The following SPTBN4 variants were observed in gnomAD, a reference collection of about 807,000 sequenced individuals.
SPTBN4 encodes spectrin beta chain, non-erythrocytic 4.
A neutral mutation model predicts 277.8 loss-of-function variants in SPTBN4; 96 were observed. The observed-to-expected ratio is 0.35, with a 90% confidence interval of 0.29 to 0.41. The LOEUF (loss-of-function observed/expected upper bound fraction) is 0.41, where lower values mean the gene tolerates loss of function less well. Ranked by LOEUF, SPTBN4 falls within the 10% of genes least tolerant of loss-of-function variation. The pLI is 1.00. For synonymous variants in SPTBN4, 1,481 were observed against 1,580.3 expected (o/e 0.94, Z 1.49); for missense variants, 3,006 against 3,595.7 (o/e 0.84, Z 4.19).
chr19:40,490,376 G>A lies in SPTBN4; in HGVS notation c.495+128G>A, dbSNP rs2080124017. The A allele has an allele frequency of 1.7e-6, 2 of 1,174,200 alleles. No individual in the cohort carries two copies. The highest frequency in any genetic ancestry group is 5.3e-5 in the East Asian group (2 of 37,814). The allele number at this position is 1,174,200 out of a possible 1,614,324, so 72.7% of individuals were successfully genotyped here. A position where few individuals can be genotyped will look rare whatever the true frequency, so the allele number is the denominator to read the frequency against. On this transcript the variant is annotated intron_variant, in intron 4 of 35. Coordinates refer to ENST00000598249, the MANE Select transcript of SPTBN4 (RefSeq NM_020971.3). This position sits in a 1 kb window ranked among gnomAD's most constrained non-coding sequence, Gnocchi z 4.3. ...TGCTGGAATCCTATTCCAGGTGTTA[G>A]GGATGAAAATAATGATAAAAATAAT...
At chr19:40,565,884 G>A (rs960542723) in intron 29 of SPTBN4, 139 bp downstream of exon 29, 2 of 982,120 alleles carry the variant, frequency 2.0e-6, no homozygotes, top group Non-Finnish European at 3.0e-6. Flanking sequence ...GGGCCTGGAA[G>A]GGTGGACAAG....
At position 40,519,916 on chromosome 19, in the gene SPTBN4, A is replaced by T. The variant is rs1568803423; in HGVS notation, c.3419A>T (p.Asp1140Val). 6.4e-7 allele frequency: 1 copy of T among 1,558,068 alleles called. No homozygotes were observed. Among genetic ancestry groups the T allele is most frequent in the Non-Finnish European group, 8.6e-7 (1 of 1,159,262 alleles). Residue 1140 changes from aspartate to valine, a missense_variant, in exon 16 of 36, where the codon GAC (aspartate) becomes GTC (valine). By Grantham distance (152) the Asp-to-Val change is radical (BLOSUM62 -3). This residue lies in a region of SPTBN4 where 1,759 missense variants were observed against 2,061.5 expected (regional missense o/e 0.85). Transcript: ENST00000598249. The surrounding 1 kb of genome is among the most constrained non-coding windows in gnomAD (Gnocchi z 5.7). ...ARHAALKEEVDQREEDYARIV... is the reference protein window; with the variant it reads ...ARHAALKEEVVQREEDYARIV... ...CACGCTGCGCTCAAGGAGGAGGTGG[A>T]CCAGCGCGAGGAAGACTATGCTCGC...
chr19:40,528,153 TTC>T (rs1484303658), intron 17 of SPTBN4, among the ~76,000 whole-genome samples: 2 of 150,674 alleles, frequency 1.3e-5, no homozygotes, highest in Non-Finnish European at 1.5e-5. Flanking sequence ...GATAGTCTCA[TTC>T]TCTCTCTCTC....
intron 1 of SPTBN4, among the ~76,000 whole-genome samples, chr19:40,472,337 G>A (rs372742318): frequency 2.0e-5 from 3 of 151,886 alleles, no homozygotes; most frequent in South Asian, 2.1e-4. Context: ...GAGCCACTGC[G>A]CCTGGCTTAT....
chr19:40,493,456 C>T (rs2080160535), intron 5 of SPTBN4, among the ~76,000 whole-genome samples: 1 of 152,190 alleles, frequency 6.6e-6, no homozygotes, highest in Admixed American at 6.5e-5. Flanking sequence ...ATGCCTGTCA[C>T]TTTGGGAGAA....
At chr19:40,492,218 G>A (rs1278826052) in intron 4 of SPTBN4, among the ~76,000 whole-genome samples, 1 of 151,910 alleles carries the variant, frequency 6.6e-6, no homozygotes, top group African/African-American at 2.4e-5. Flanking sequence ...AGGGGAGAGG[G>A]AGAGGGTGTC....
At chr19:40,538,109 C>T (rs1271334987) in intron 20 of SPTBN4, among the ~76,000 whole-genome samples, 2 of 152,178 alleles carry the variant, frequency 1.3e-5, no homozygotes, top group Non-Finnish European at 2.9e-5. Flanking sequence ...GCAGCCATGG[C>T]CAGACGCAGT....
rs138368110 is a variant in SPTBN4 at position 40,498,037 on chromosome 19, C to T, written c.784+433C>T. Among the ~76,000 whole-genome samples the T allele has an allele frequency of 4.8e-3, 728 of 152,014 alleles. 9 individuals are homozygous for T. The highest frequency in any genetic ancestry group is 0.017 in the African/African-American group (701 of 41,438). On this transcript the variant is annotated intron_variant, in intron 7 of 35. Transcript: ENST00000598249. ...TCTTCAAGTGTCTCCATCCCCACCA[C>T]ATCTTCGGCTCCAACTCCATTCCTA...
intron 27 of SPTBN4, 101 bp from the exon 28 acceptor site, chr19:40,565,322 G>A (rs1481323438): frequency 1.5e-6 from 2 of 1,371,918 alleles, no homozygotes; most frequent in African/African-American, 1.5e-5. Context: ...AGGTGGTATG[G>A]GATGTCAGCC....
At chr19:40,565,150 A>T (rs1160329683) in intron 27 of SPTBN4, among the ~76,000 whole-genome samples, 1 of 150,042 alleles carries the variant, frequency 6.7e-6, no homozygotes, top group African/African-American at 2.5e-5. Context: ...CTGTAATCCC[A>T]GCTACTCAGG....
At chr19:40,467,664 C>T (rs931949617) in intron 1 of SPTBN4, among the ~76,000 whole-genome samples, 2 of 151,734 alleles carry the variant, frequency 1.3e-5, no homozygotes, top group Non-Finnish European at 2.9e-5. Context: ...CAGGACACCC[C>T]TTCCCGGCTT....
chr19:40,524,038 C>G (rs964551635), intron 17 of SPTBN4, among the ~76,000 whole-genome samples: 8 of 152,114 alleles, frequency 5.3e-5, no homozygotes, highest in African/African-American at 1.9e-4. Flanking sequence ...CTTGACCACC[C>G]ACCTTGGCCT....
At position 40,504,140 on chromosome 19, in the gene SPTBN4, CG is replaced by C. The variant is rs760144901; in HGVS notation, c.1665+15del. On this transcript the variant is annotated intron_variant, in intron 12 of 35. Coordinates refer to ENST00000598249, the MANE Select transcript of SPTBN4 (RefSeq NM_020971.3). ...TGGATGGAGGAGATGCAGGTGCCGGCGGGGGGGCGGGGATGCGGGTGGAGTG... is the reference window on the plus strand; with the variant it reads ...TGGATGGAGGAGATGCAGGTGCCGGCGGGGGGCGGGGATGCGGGTGGAGTG... 61 of 1,148,770 alleles carry C rather than the reference CG, an allele frequency of 5.3e-5. 2 individuals carry two copies. The highest frequency in any genetic ancestry group is 2.4e-4 in the Admixed American group (10 of 42,226). 71.2% of individuals were successfully genotyped at this position (1,148,770 alleles called of 1,614,324 possible). A position where few individuals can be genotyped will look rare whatever the true frequency, so the allele number is the denominator to read the frequency against.
intron 32 of SPTBN4, 78 bp from the exon 33 acceptor site, chr19:40,570,358 G>C: frequency 1.0e-6 from 1 of 956,678 alleles, no homozygotes; most frequent in Non-Finnish European, 1.5e-6. Context: ...TGGGACCCCA[G>C]ACCCATGACT....
chr19:40,540,274 T>A (rs2080784856), intron 20 of SPTBN4, among the ~76,000 whole-genome samples: 1 of 152,154 alleles, frequency 6.6e-6, no homozygotes, highest in Non-Finnish European at 1.5e-5. Flanking sequence ...TCACCATCAC[T>A]CTACTGTTTT....
In SPTBN4 at chr19:40,502,111, T is replaced by A. The variant is rs747448897; in HGVS notation, c.898-17T>A. The A allele has an allele frequency of 2.8e-5, 45 of 1,613,146 alleles. No individual in the cohort carries two copies. Among genetic ancestry groups the A allele is most frequent in the Middle Eastern group, 1.6e-4 (1 of 6,078 alleles). ...ACGGGTGGGATGAGGCTGACCCCCC[T>A]TCCTCTGCTGTGTCAGGTCTTGGAC... On this transcript the variant is annotated splice_polypyrimidine_tract_variant and intron_variant, in intron 8 of 35. Transcript: ENST00000598249. The surrounding 1 kb of genome is among the most constrained non-coding windows in gnomAD (Gnocchi z 4.9).
intron 20 of SPTBN4, among the ~76,000 whole-genome samples, chr19:40,542,466 C>CT (rs1363274432): frequency 6.6e-6 from 1 of 152,182 alleles, no homozygotes; most frequent in Non-Finnish European, 1.5e-5. Flanking sequence ...CCTCAGGGAC[C>CT]TGGCCAGCTG....
In SPTBN4 at chr19:40,497,528, T is replaced by A. The variant is rs199628224; in HGVS notation, c.708T>A (p.Asn236Lys). Residue 236 changes from asparagine (N) to lysine (K), a missense_variant, in exon 7 of 36, where the codon AAT becomes AAA. This residue lies in a region of SPTBN4 where 1,759 missense variants were observed against 2,061.5 expected (regional missense o/e 0.85). Transcript: ENST00000598249. ...LVDFSKLTKS[N>K]ANYNLQRAFR... The stretch of plus-strand genomic sequence containing the variant: ...ACTTCAGCAAACTCACCAAGTCCAA[T>A]GCCAACTACAACCTGCAGAGAGCCT... The A allele has an allele frequency of 1.7e-5, 27 of 1,614,126 alleles. No individual in the cohort carries two copies. In the East Asian group the frequency reaches 6.0e-4, roughly 36 times the overall value.
At chr19:40,474,213 AC>A (rs1215261539) in intron 2 of SPTBN4, among the ~76,000 whole-genome samples, 1 of 149,890 alleles carries the variant, frequency 6.7e-6, no homozygotes, top group Non-Finnish European at 1.5e-5. Flanking sequence ...ATCATCACAG[AC>A]CTAAGAAATT....
Sources: allele counts gnomAD v4.1 joint callset (sites outside exome capture counted in the v4.1 genomes callset), GRCh38; gene constraint gnomAD v4.1.1; regional missense constraint gnomAD v4.1.1; non-coding constraint Gnocchi (gnomAD v3.1); transcripts MANE v1.5; gene names NCBI Gene and HGNC (gene_info 2026-07-23, HGNC 2026-07-21).